The following HSD17B12 variants were observed in gnomAD, a reference collection of about 807,000 sequenced individuals.
HSD17B12 encodes the protein hydroxysteroid 17-beta dehydrogenase 12, also known as very-long-chain 3-oxoacyl-CoA reductase.
In HSD17B12, 32 loss-of-function variants were observed where a neutral mutation model predicts 39.3. That is an observed-to-expected ratio of 0.81 (90% confidence interval 0.61 to 1.09). The LOEUF is 1.09. Ranked by LOEUF, HSD17B12 falls within the 50% of genes least tolerant of loss-of-function variation. HSD17B12 has a pLI of 0.00. For missense variants in HSD17B12, 342 were observed against 382.9 expected, an observed-to-expected ratio of 0.89 and a Z score of 0.89; for synonymous variants, 150 against 146.7, an observed-to-expected ratio of 1.02 and a Z score of -0.16.
chr11:43,771,684 C>T (rs1423591995), intron 3 of HSD17B12, among the ~76,000 whole-genome samples: 1 of 151,948 alleles, frequency 6.6e-6, no homozygotes, highest in Non-Finnish European at 1.5e-5. Context: ...CCACACTGGC[C>T]TAGGACTCCT....
chr11:43,589,482 A>C, the HSD17B12 span, among the ~76,000 whole-genome samples: 4 of 152,272 alleles, frequency 2.6e-5, no homozygotes, highest in East Asian at 5.8e-4. Context: ...AGAAGGAAAA[A>C]ATATTTTTGT....
the HSD17B12 span, among the ~76,000 whole-genome samples, chr11:43,614,702 C>G: frequency 6.6e-6 from 1 of 152,176 alleles, no homozygotes; most frequent in Non-Finnish European, 1.5e-5. Context: ...ACTTTCTGTG[C>G]TTTATTTTCT....
intron 3 of HSD17B12, among the ~76,000 whole-genome samples, chr11:43,760,996 C>T (rs1418944986): frequency 6.6e-6 from 1 of 152,022 alleles, no homozygotes; most frequent in African/African-American, 2.4e-5. Flanking sequence ...TAGAGATATT[C>T]TACAATTTTG....
At chr11:43,705,761 CTT>C (rs56979348) in intron 1 of HSD17B12, among the ~76,000 whole-genome samples, 1,366 of 62,262 alleles carry the variant, frequency 0.022, 8 homozygotes, top group African/African-American at 0.07. Context: ...CCTCTCTCCT[CTT>C]TTTTTTTTTT....
intron 1 of HSD17B12, among the ~76,000 whole-genome samples, chr11:43,695,909 G>A (rs1222384630): frequency 6.6e-6 from 1 of 152,090 alleles, no homozygotes; most frequent in Non-Finnish European, 1.5e-5. Flanking sequence ...GTAAATTTGT[G>A]TCATGGAATT....
At chr11:43,740,967 A>G (rs1590709714) in intron 1 of HSD17B12, among the ~76,000 whole-genome samples, 1 of 152,316 alleles carries the variant, frequency 6.6e-6, no homozygotes, top group South Asian at 2.1e-4. Flanking sequence ...GTTTTTGCAC[A>G]TTGTATCTTA....
chr11:43,765,695 TG>T (rs1420098408), intron 3 of HSD17B12, among the ~76,000 whole-genome samples: 1 of 152,210 alleles, frequency 6.6e-6, no homozygotes, highest in Admixed American at 6.5e-5. Flanking sequence ...TTTTGGACAG[TG>T]TTTATTTATA....
At chr11:43,623,825 T>C in the HSD17B12 span, among the ~76,000 whole-genome samples, 1 of 152,124 alleles carries the variant, frequency 6.6e-6, no homozygotes, top group East Asian at 1.9e-4. Flanking sequence ...GGATCACCAC[T>C]GCATAAAATG....
chr11:43,556,840 A>C, the HSD17B12 span: 6 of 150,594 alleles, frequency 4.0e-5, no homozygotes, highest in African/African-American at 1.5e-4. Context: ...TTCCTTGTTT[A>C]TATTACCCTC....
At chr11:43,650,792 C>G in the HSD17B12 span, among the ~76,000 whole-genome samples, 2 of 152,194 alleles carry the variant, frequency 1.3e-5, no homozygotes, top group African/African-American at 4.8e-5. Context: ...TTTGCTGTTT[C>G]AGTTACCTGT....
At chr11:43,587,852 G>T in the HSD17B12 span, among the ~76,000 whole-genome samples, 1 of 152,196 alleles carries the variant, frequency 6.6e-6, no homozygotes, top group African/African-American at 2.4e-5. Context: ...TTGACTACCA[G>T]GCACAATCAT....
intron 3 of HSD17B12, among the ~76,000 whole-genome samples, chr11:43,772,062 A>T (rs147499552): frequency 3.3e-5 from 5 of 152,308 alleles, no homozygotes; most frequent in African/African-American, 1.2e-4. Flanking sequence ...AAAGCTGAAC[A>T]TCTAACCTTT....
the HSD17B12 span, among the ~76,000 whole-genome samples, chr11:43,586,897 TTTCAGAGATACACTTTCTGACAAC>T: frequency 1.3e-5 from 2 of 152,182 alleles, no homozygotes; most frequent in South Asian, 2.1e-4. Flanking sequence ...CCACCTCCCA[TTTCAGAGATACACTTTCTGACAAC>T]TTCTAAATAG....
At chr11:43,650,124 G>A in the HSD17B12 span, among the ~76,000 whole-genome samples, 1 of 152,180 alleles carries the variant, frequency 6.6e-6, no homozygotes, top group Non-Finnish European at 1.5e-5. Context: ...GTTGTGGGTG[G>A]TTTGTTTTGC....
intron 3 of HSD17B12, among the ~76,000 whole-genome samples, chr11:43,757,365 G>C (rs1565076842): frequency 6.6e-6 from 1 of 151,984 alleles, no homozygotes; most frequent in Non-Finnish European, 1.5e-5. Context: ...CGGGCGCGGT[G>C]GCTCACGCCT....
intron 2 of HSD17B12, among the ~76,000 whole-genome samples, chr11:43,752,539 C>A (rs1025690451): frequency 1.3e-5 from 2 of 151,966 alleles, no homozygotes; most frequent in African/African-American, 4.8e-5. Flanking sequence ...CATGGTGAAA[C>A]CCTATCTCTA....
chr11:43,615,828 T>C, the HSD17B12 span, among the ~76,000 whole-genome samples: 1 of 152,198 alleles, frequency 6.6e-6, no homozygotes. Context: ...CTCTCTTAGA[T>C]GGCTATAGAT....
intron 3 of HSD17B12, among the ~76,000 whole-genome samples, 194 bp downstream of exon 3, chr11:43,754,315 G>A (rs1246651720): frequency 2.0e-5 from 3 of 152,192 alleles, no homozygotes; most frequent in African/African-American, 7.2e-5. Context: ...GCTCACGCCT[G>A]TAATCCCAGC....
intron 9 of HSD17B12, among the ~76,000 whole-genome samples, chr11:43,845,101 C>G (rs985998017): frequency 1.3e-5 from 2 of 152,168 alleles, no homozygotes; most frequent in African/African-American, 4.8e-5. Flanking sequence ...TCAAGTGATC[C>G]TCCCACCTCA....
Sources: allele counts gnomAD v4.1 joint callset (sites outside exome capture counted in the v4.1 genomes callset), GRCh38; gene constraint gnomAD v4.1.1; transcripts MANE v1.5; gene names NCBI Gene and HGNC (gene_info 2026-07-23, HGNC 2026-07-21).